The following UBAP2L variants were observed in gnomAD, a reference collection of about 807,000 sequenced individuals.
UBAP2L encodes the protein ubiquitin-associated protein 2-like.
UBAP2L carries 12 observed loss-of-function variants against 130.6 expected under a neutral mutation model. The observed-to-expected ratio is 0.09, with a 90% CI of 0.06 to 0.15. The LOEUF is 0.15. UBAP2L is among the 10% of genes least tolerant of loss of function. The probability of loss-of-function intolerance (pLI) is 1.00; values close to 1 mark genes in which losing one functional copy is unlikely to be tolerated. For synonymous variants in UBAP2L, 503 were observed against 524.7 expected (o/e 0.96, Z 0.57); for missense variants, 965 against 1,332.5 (o/e 0.72, Z 4.29).
Position 154,225,108 on chromosome 1 carries a change from T to C in UBAP2L, c.-16T>C, listed in dbSNP as rs1034303752. 5 of 1,613,294 alleles carry C rather than the reference T, an allele frequency of 3.1e-6. No individual in the cohort carries two copies. The highest frequency in any genetic ancestry group is 1.7e-5 in the Admixed American group (1 of 59,986). On this transcript the variant is annotated 5_prime_UTR_variant, in exon 2 of 27. Coordinates refer to ENST00000428931, the MANE Select transcript of UBAP2L (RefSeq NM_014847.4). The stretch of plus-strand genomic sequence containing the variant: ...GTATTCTACCTTGTAAATACTGTTA[T>C]TTGTATATACTGTAAATGATGACAT...
At chr1:154,243,085 A>G in intron 9 of UBAP2L, 132 bp from the exon 10 acceptor site, 1 of 671,612 alleles carries the variant, frequency 1.5e-6, no homozygotes, top group Non-Finnish European at 2.6e-6. Context: ...TCCATTCAGG[A>G]TTCCTCAGGG....
intron 21 of UBAP2L, chr1:154,259,640 G>C: frequency 2.4e-6 from 1 of 416,720 alleles, no homozygotes; most frequent in African/African-American, 2.0e-5. Context: ...TGTTTTCTCA[G>C]TAGAATAAGC....
Position 154,269,163 on chromosome 1 carries a change from C to A in UBAP2L, c.3168+209C>A, listed in dbSNP as rs1367187737. 3.5e-6 allele frequency: 3 copies of A among 848,378 alleles called. No homozygotes were observed. In the East Asian group the frequency reaches 8.0e-5, roughly 23 times the overall value. The allele number at this position is 848,378 out of a possible 1,614,324, so 52.6% of individuals were successfully genotyped here. On this transcript the variant is annotated intron_variant, in intron 26 of 26. Transcript: ENST00000428931. Reference sequence around the variant, plus strand: ...ATCTCAGAGAAGGGCCGGGTTGAAACCTTTTTTGCCCAATTCCTTTGGTGC... The same window carrying A: ...ATCTCAGAGAAGGGCCGGGTTGAAAACTTTTTTGCCCAATTCCTTTGGTGC...
chr1:154,259,736 C>T (rs530748291), intron 21 of UBAP2L: 24 of 714,128 alleles, frequency 3.4e-5, no homozygotes, highest in African/African-American at 2.2e-4. Context: ...TGGGCATACC[C>T]GTAGACCTTG....
At chr1:154,244,991 G>A (rs543255384) in intron 10 of UBAP2L, among the ~76,000 whole-genome samples, 1 of 152,178 alleles carries the variant, frequency 6.6e-6, no homozygotes, top group African/African-American at 2.4e-5. Flanking sequence ...GAGGGCAGTG[G>A]CACAATCTTG....
chr1:154,241,648 C>A, intron 9 of UBAP2L, 83 bp downstream of exon 9: 2 of 1,579,742 alleles, frequency 1.3e-6, no homozygotes, highest in Non-Finnish European at 1.7e-6. Flanking sequence ...TGTTTCTACC[C>A]CTCAAAATTC....
rs1169367287 is a variant in UBAP2L at position 154,251,274 on chromosome 1, C to G, written c.1447C>G (p.Gln483Glu). ...GTCCTCTAGCCCTCAGCCGGCTCAG[C>G]AGAAACTGAAACAGCAGAAGAAAAA... ...NQSSSPQPAQ[Q>E]KLKQQKKKAS... The change falls in exon 13 of 27, where the codon CAG (glutamine) becomes GAG (glutamate). Residue 483 changes from glutamine (Q) to glutamate (E), a missense_variant. By Grantham distance (29) the Gln-to-Glu change is conservative. This residue lies in a region of UBAP2L where 74 missense variants were observed against 97.1 expected (regional missense o/e 0.76). Coordinates refer to ENST00000428931, the MANE Select transcript of UBAP2L (RefSeq NM_014847.4). 6.2e-7 allele frequency: 1 copy of G among 1,614,092 alleles called. No individual in the cohort carries two copies. The highest frequency in any genetic ancestry group is 2.2e-5 in the East Asian group (1 of 44,886).
At chr1:154,243,786 C>T (rs1163644391) in intron 10 of UBAP2L, among the ~76,000 whole-genome samples, 2 of 152,176 alleles carry the variant, frequency 1.3e-5, no homozygotes, top group African/African-American at 4.8e-5. Context: ...AGAGTTAGTA[C>T]TAGTTAATCT....
chr1:154,268,425 G>A (rs1683996182), intron 25 of UBAP2L, among the ~76,000 whole-genome samples: 2 of 151,806 alleles, frequency 1.3e-5, no homozygotes, highest in South Asian at 4.2e-4. Flanking sequence ...TCCTGACCTT[G>A]TGTGATCCAC....
At chr1:154,271,133 C>A, downstream of UBAP2L, 1 of 586,146 alleles carries the variant, frequency 1.7e-6, no homozygotes, top group Non-Finnish European at 2.9e-6. Context: ...GCTACATCTA[C>A]AGCCGATTTC....
At chr1:154,220,666 G>A, upstream of UBAP2L, 2 of 554,466 alleles carry the variant, frequency 3.6e-6, no homozygotes, top group Non-Finnish European at 6.5e-6. Context: ...GCGCTCAGAC[G>A]CGGAACTACG....
At chr1:154,270,954 C>A (rs1478227839), downstream of UBAP2L, 9 of 1,547,770 alleles carry the variant, frequency 5.8e-6, no homozygotes, top group Non-Finnish European at 7.9e-6. Flanking sequence ...CTCTAGCAGG[C>A]CCCTGAAGGC....
At chr1:154,220,755 C>T (rs1282685431), upstream of UBAP2L, 2 of 292,882 alleles carry the variant, frequency 6.8e-6, no homozygotes, top group Non-Finnish European at 6.5e-6. Flanking sequence ...GGTGGACTCG[C>T]GGAGCCGGAA....
chr1:154,233,098 C>T (rs1670391520), intron 4 of UBAP2L, among the ~76,000 whole-genome samples: 1 of 151,968 alleles, frequency 6.6e-6, no homozygotes, highest in South Asian at 2.1e-4. Context: ...ACTGCAACCT[C>T]CGACTCCTGG....
At chr1:154,229,039 A>G (rs1222701724) in intron 4 of UBAP2L, among the ~76,000 whole-genome samples, 2 of 152,056 alleles carry the variant, frequency 1.3e-5, no homozygotes, top group African/African-American at 4.8e-5. Flanking sequence ...TAGAGGTGCG[A>G]TTTGATAGCC....
Position 154,257,146 on chromosome 1 carries a change from C to T in UBAP2L, c.2241C>T (p.Pro747=). The change falls in exon 19 of 27, where the codon CCC becomes CCT. Residue 747 remains proline (P), a synonymous_variant. Transcript: ENST00000428931. ...STTSSTVSAP[P]PVVSVSSSLN... Reference sequence around the variant, plus strand: ...CATCCAGCACAGTCTCTGCACCTCCCCCAGTGGTCAGTGTCTCCTCCAGTC... The same window carrying T: ...CATCCAGCACAGTCTCTGCACCTCCTCCAGTGGTCAGTGTCTCCTCCAGTC... 2.5e-6 allele frequency: 4 copies of T among 1,614,186 alleles called. No individual in the cohort carries two copies. The highest frequency in any genetic ancestry group is 3.4e-6 in the Non-Finnish European group (4 of 1,180,040).
chr1:154,225,275 C>A, intron 2 of UBAP2L, 62 bp downstream of exon 2: 1 of 1,542,838 alleles, frequency 6.5e-7, no homozygotes, highest in Non-Finnish European at 8.9e-7. Context: ...GGTTTCCATG[C>A]AGTACAGCAT....
At chr1:154,259,714 T>G (rs1680895687) in intron 21 of UBAP2L, 6 of 656,796 alleles carry the variant, frequency 9.1e-6, no homozygotes, top group Non-Finnish European at 1.6e-5. Context: ...TGGACTTTGA[T>G]GTATTCTCAA....
intron 10 of UBAP2L, among the ~76,000 whole-genome samples, chr1:154,245,465 T>C (rs1431149409): frequency 1.3e-5 from 2 of 152,222 alleles, no homozygotes; most frequent in African/African-American, 4.8e-5. Flanking sequence ...AAAATATCTC[T>C]CAGACTGCCC....
Sources: allele counts gnomAD v4.1 joint callset (sites outside exome capture counted in the v4.1 genomes callset), GRCh38; gene constraint gnomAD v4.1.1; regional missense constraint gnomAD v4.1.1; transcripts MANE v1.5; gene names NCBI Gene and HGNC (gene_info 2026-07-23, HGNC 2026-07-21).